MID2: variants seen among roughly 807,000 people sequenced by gnomAD.
The protein encoded by MID2 is midline 2.
Under a neutral mutation model 46.1 loss-of-function variants are expected in MID2, and 13 were observed. The ratio of observed to expected loss-of-function variants is 0.28; its 90% CI spans 0.18 to 0.45. The LOEUF (loss-of-function observed/expected upper bound fraction) is 0.45. Among genes scored for constraint, MID2 ranks in the 20% least tolerant of loss-of-function variants. MID2 has a pLI of 1.00. For synonymous variants in MID2, 199 were observed against 212.3 expected (o/e 0.94, Z 0.55); for missense variants, 431 against 575.4 (o/e 0.75, Z 2.57).
intron 2 of MID2, among the ~76,000 whole-genome samples, chrX:107,851,518 T>C (rs1378193693): frequency 9.0e-6 from 1 of 111,325 alleles, no homozygotes; most frequent in African/African-American, 3.3e-5. Flanking sequence ...TTCTAACCAG[T>C]GTCCTTCCCC....
chrX:107,885,136 T>A (rs1932421837), intron 3 of MID2, among the ~76,000 whole-genome samples: 1 of 110,626 alleles, frequency 9.0e-6, no homozygotes, highest in African/African-American at 3.3e-5. Flanking sequence ...TTTATTTTAT[T>A]ATACTTTTAA....
intron 3 of MID2, among the ~76,000 whole-genome samples, chrX:107,879,399 A>G (rs772442195): frequency 3.6e-5 from 4 of 112,030 alleles, no homozygotes; most frequent in Non-Finnish European, 7.5e-5. Context: ...TAGTCCAGCC[A>G]TCCCCGACCA....
At chrX:107,899,592 T>G (rs1164706630) in intron 3 of MID2, among the ~76,000 whole-genome samples, 3 of 111,750 alleles carry the variant, frequency 2.7e-5, no homozygotes, top group Non-Finnish European at 5.6e-5. Context: ...AGGGAGCCTG[T>G]GTTGCCTAGT....
intron 3 of MID2, among the ~76,000 whole-genome samples, chrX:107,862,358 A>G (rs1308666447): frequency 1.8e-5 from 2 of 111,628 alleles, no homozygotes; most frequent in East Asian, 5.6e-4. Context: ...AATACTCATA[A>G]CCAATTTCAA....
intron 3 of MID2, among the ~76,000 whole-genome samples, chrX:107,882,774 C>G (rs12853228): frequency 0.14 from 15,040 of 111,294 alleles, 872 homozygotes; most frequent in Middle Eastern, 0.29. Flanking sequence ...ACTAGTTCAA[C>G]CATTGTGGAA....
At chrX:107,837,502 A>G (rs1404393812) in intron 1 of MID2, among the ~76,000 whole-genome samples, 2 of 108,773 alleles carry the variant, frequency 1.8e-5, no homozygotes, top group Non-Finnish European at 3.8e-5. Flanking sequence ...TAAGAGAGAC[A>G]GAGAGAGATA....
intron 5 of MID2, among the ~76,000 whole-genome samples, chrX:107,907,526 A>G (rs1014106831): frequency 1.8e-5 from 2 of 111,373 alleles, no homozygotes; most frequent in African/African-American, 6.5e-5. Flanking sequence ...GCTTTGGCCA[A>G]ATACACTCTT....
chrX:107,862,518 T>G (rs1931881102), intron 3 of MID2, among the ~76,000 whole-genome samples: 1 of 112,271 alleles, frequency 8.9e-6, no homozygotes, highest in African/African-American at 3.2e-5. Context: ...GTTATTGTGC[T>G]CAATAAGCTG....
chrX:107,826,329 G>A lies in MID2; in HGVS notation c.-98G>A. 3 of 1,023,049 alleles carry A rather than the reference G, an allele frequency of 2.9e-6. No homozygotes were observed. The highest frequency in any genetic ancestry group is 3.8e-6 in the Non-Finnish European group (3 of 779,675). The allele number at this position is 1,023,049 out of a possible 1,213,427, so 84.3% of individuals were successfully genotyped here. A position where few individuals can be genotyped will look rare whatever the true frequency, so the allele number is the denominator to read the frequency against. On this transcript the variant is annotated 5_prime_UTR_variant, in exon 1 of 10. Transcript: ENST00000262843. ...CGGCGGCGGCGGCGACCGGGGCCCGGGAGCTCGCGCCGGAGCCCGAGCCAA... is the reference window on the plus strand; with the variant it reads ...CGGCGGCGGCGGCGACCGGGGCCCGAGAGCTCGCGCCGGAGCCCGAGCCAA...
At chrX:107,907,126 T>C (rs1932842636) in intron 5 of MID2, among the ~76,000 whole-genome samples, 1 of 112,041 alleles carries the variant, frequency 8.9e-6, no homozygotes. Flanking sequence ...TCAGTCCCAC[T>C]TTTTCCATTC....
intron 2 of MID2, among the ~76,000 whole-genome samples, chrX:107,851,196 A>G: frequency 9.0e-6 from 1 of 111,426 alleles, no homozygotes; most frequent in East Asian, 2.8e-4. Flanking sequence ...ATCACACTAC[A>G]GAGTTATTAT....
chrX:107,860,407 GA>G (rs1328822236), intron 3 of MID2, among the ~76,000 whole-genome samples: 2 of 111,955 alleles, frequency 1.8e-5, no homozygotes, highest in South Asian at 3.8e-4. Flanking sequence ...ATGTCCAGTA[GA>G]AAGTTGGCTA....
Position 107,929,003 on chromosome X carries a change from A to G in MID2, c.*1930A>G, listed in dbSNP as rs764737546. Among the ~76,000 whole-genome samples the G allele has an allele frequency of 1.8e-5, 2 of 112,004 alleles. No homozygotes were observed. The highest frequency in any genetic ancestry group is 5.6e-4 in the East Asian group (2 of 3,565). On this transcript the variant is annotated 3_prime_UTR_variant, in exon 10 of 10. Coordinates refer to ENST00000262843, the MANE Select transcript of MID2 (RefSeq NM_012216.4). ...AATGATCCTAGTTTCTGTACCATTTATTAGCGTTGTGACCTAGGACAAGTA... is the reference window on the plus strand; with the variant it reads ...AATGATCCTAGTTTCTGTACCATTTGTTAGCGTTGTGACCTAGGACAAGTA...
intron 3 of MID2, among the ~76,000 whole-genome samples, chrX:107,888,354 G>A (rs1430160261): frequency 8.9e-6 from 1 of 112,052 alleles, no homozygotes; most frequent in Non-Finnish European, 1.9e-5. Flanking sequence ...CAAAGAACAT[G>A]TTTATTTCTG....
At chrX:107,861,060 G>A (rs1481791548) in intron 3 of MID2, among the ~76,000 whole-genome samples, 1 of 111,465 alleles carries the variant, frequency 9.0e-6, no homozygotes, top group Non-Finnish European at 1.9e-5. Context: ...AGGATGACTT[G>A]TAGTGAGCAA....
chrX:107,831,584 A>T (rs1931091671), intron 1 of MID2, among the ~76,000 whole-genome samples: 2 of 112,142 alleles, frequency 1.8e-5, no homozygotes, highest in Non-Finnish European at 3.8e-5. Context: ...CCAGGGAAGT[A>T]GAAGCTTGAT....
chrX:107,891,117 C>T (rs1932592090), intron 3 of MID2, among the ~76,000 whole-genome samples: 1 of 110,035 alleles, frequency 9.1e-6, no homozygotes, highest in Admixed American at 9.7e-5. Context: ...GCTGCACCCA[C>T]TGTCCTGCAC....
At chrX:107,880,161 G>T (rs1932289522) in intron 3 of MID2, among the ~76,000 whole-genome samples, 1 of 109,261 alleles carries the variant, frequency 9.2e-6, no homozygotes, top group African/African-American at 3.3e-5. Context: ...TTTTGAGACA[G>T]GGTCTGGCTC....
intron 1 of MID2, among the ~76,000 whole-genome samples, chrX:107,839,370 G>A (rs867330355): frequency 4.0e-5 from 4 of 101,054 alleles, no homozygotes; most frequent in Non-Finnish European, 7.9e-5. Flanking sequence ...TTTTTTGTTT[G>A]TTTTGTTTGT....
Sources: allele counts gnomAD v4.1 joint callset (sites outside exome capture counted in the v4.1 genomes callset), GRCh38; gene constraint gnomAD v4.1.1; transcripts MANE v1.5; gene names NCBI Gene and HGNC (gene_info 2026-07-23, HGNC 2026-07-21).